Variants in SORCS3 observed in about 807,000 individuals in gnomAD.
SORCS3 encodes sortilin related VPS10 domain containing receptor 3.
A neutral mutation model predicts 146.3 loss-of-function variants in SORCS3; 57 were observed. The ratio of observed to expected loss-of-function variants is 0.39; its 90% CI spans 0.31 to 0.49. The LOEUF (loss-of-function observed/expected upper bound fraction) is 0.49. SORCS3 is among the 20% of genes least tolerant of loss of function. The pLI is 0.92. For synonymous variants in SORCS3, 653 were observed against 618.5 expected, an observed-to-expected ratio of 1.06 and a Z score of -0.83; for missense variants, 1,341 against 1,575.5, an observed-to-expected ratio of 0.85 and a Z score of 2.52.
chr10:104,858,541 G>C (rs1712383568), intron 2 of SORCS3, among the ~76,000 whole-genome samples: 1 of 151,878 alleles, frequency 6.6e-6, no homozygotes, highest in African/African-American at 2.4e-5. Flanking sequence ...ATGCATTTTA[G>C]AGTTTTTTCC....
At chr10:104,825,488 G>A (rs2017925048) in intron 1 of SORCS3, among the ~76,000 whole-genome samples, 1 of 152,174 alleles carries the variant, frequency 6.6e-6, no homozygotes, top group African/African-American at 2.4e-5. Flanking sequence ...CATCTCTGGA[G>A]GTTTCACATT....
intron 16 of SORCS3, among the ~76,000 whole-genome samples, chr10:105,210,354 A>C (rs2119638418): frequency 6.6e-6 from 1 of 152,350 alleles, no homozygotes; most frequent in Admixed American, 6.5e-5. Flanking sequence ...AATTCAGCCA[A>C]GTGAAGCTAC....
intron 1 of SORCS3, among the ~76,000 whole-genome samples, chr10:104,692,912 C>G (rs1417118526): frequency 6.6e-6 from 1 of 152,192 alleles, no homozygotes; most frequent in African/African-American, 2.4e-5. Flanking sequence ...TCTGCAGCTG[C>G]TGAGGGCTGG....
At chr10:104,820,305 A>C (rs1264951985) in intron 1 of SORCS3, among the ~76,000 whole-genome samples, 1 of 152,222 alleles carries the variant, frequency 6.6e-6, no homozygotes, top group Non-Finnish European at 1.5e-5. Context: ...CAAGGGTTAA[A>C]TGAGAAAATA....
chr10:105,179,022 T>C (rs1355039093), intron 14 of SORCS3, among the ~76,000 whole-genome samples: 1 of 152,202 alleles, frequency 6.6e-6, no homozygotes, highest in East Asian at 1.9e-4. Flanking sequence ...CTTTATAGTT[T>C]GAATTAGTCT....
At chr10:104,834,608 C>T (rs1488327895) in intron 1 of SORCS3, among the ~76,000 whole-genome samples, 1 of 132,680 alleles carries the variant, frequency 7.5e-6, no homozygotes, top group African/African-American at 2.8e-5. Flanking sequence ...TGTGTGTTTG[C>T]ACTTTTTAAT....
At chr10:104,793,713 T>C (rs117213542) in intron 1 of SORCS3, among the ~76,000 whole-genome samples, 4,308 of 152,302 alleles carry the variant, frequency 0.028, 97 homozygotes, top group Non-Finnish European at 0.041. Context: ...AAGTGTATTA[T>C]TTAGCAAGCT....
At chr10:104,681,722 C>A (rs1181289761) in intron 1 of SORCS3, among the ~76,000 whole-genome samples, 5 of 152,124 alleles carry the variant, frequency 3.3e-5, no homozygotes, top group Admixed American at 1.3e-4. Context: ...TCTACACTAG[C>A]CTCTCTGTTC....
chr10:104,791,403 CTT>C (rs887111413), intron 1 of SORCS3, among the ~76,000 whole-genome samples: 1 of 152,142 alleles, frequency 6.6e-6, no homozygotes, highest in Non-Finnish European at 1.5e-5. Flanking sequence ...TGGAAGATAA[CTT>C]AGGAAGCTGT....
intron 20 of SORCS3, among the ~76,000 whole-genome samples, chr10:105,239,047 C>T (rs1589703686): frequency 6.6e-6 from 1 of 152,138 alleles, no homozygotes; most frequent in South Asian, 2.1e-4. Context: ...GCATCCATAG[C>T]TACTAGTTTA....
At chr10:105,169,721 G>A (rs1269460851) in intron 13 of SORCS3, among the ~76,000 whole-genome samples, 1 of 152,162 alleles carries the variant, frequency 6.6e-6, no homozygotes, top group Non-Finnish European at 1.5e-5. Context: ...ATCTGCCTCT[G>A]TAGAGGAAAG....
At chr10:104,910,794 G>T (rs951393533) in intron 2 of SORCS3, among the ~76,000 whole-genome samples, 1 of 152,214 alleles carries the variant, frequency 6.6e-6, no homozygotes, top group Non-Finnish European at 1.5e-5. Context: ...GTGGGGTTGG[G>T]GTAACTGGAG....
At chr10:105,000,055 C>CTGAATGAATGAATGAATGAA in intron 4 of SORCS3, among the ~76,000 whole-genome samples, 1 of 150,730 alleles carries the variant, frequency 6.6e-6, no homozygotes, top group South Asian at 2.1e-4. Context: ...CATTCACCTG[C>CTGAATGAATGAATGAATGAA]TGAATGAATG....
In SORCS3 at chr10:105,157,141, G is replaced by T. The variant is rs1352793807; in HGVS notation, c.1486G>T (p.Ala496Ser). 5 of 1,613,774 alleles carry T rather than the reference G, an allele frequency of 3.1e-6. No homozygotes were observed. The African/African-American group carries it at 6.7e-5, about 22-fold the overall frequency. ...CATCTCTCACCTTTTTTCCTAGGTA[G>T]CAGGTATCAAAGGGATATTTCTGGC... is the stretch of plus-strand genomic sequence containing the variant. ...GNIIIELYEV[A>S]GIKGIFLANK... Residue 496 changes from alanine to serine, a missense_variant, in exon 10 of 27, where the codon GCA becomes TCA. Coordinates refer to ENST00000369701, the MANE Select transcript of SORCS3 (RefSeq NM_014978.3).
intron 1 of SORCS3, among the ~76,000 whole-genome samples, chr10:104,745,713 C>A (rs1290950804): frequency 6.6e-6 from 1 of 152,156 alleles, no homozygotes; most frequent in East Asian, 1.9e-4. Flanking sequence ...AACGTTGTAT[C>A]CTTTGACTGA....
rs1322736522 is a variant in SORCS3, at chr10:105,265,141, C to G, written c.*1767C>G. 1 of 152,430 alleles carries G rather than the reference C, an allele frequency of 6.6e-6. No homozygotes were observed. Among genetic ancestry groups the G allele is most frequent in the Non-Finnish European group, 1.5e-5 (1 of 68,012 alleles). 9.4% of individuals were successfully genotyped at this position (152,430 alleles called of 1,614,324 possible). A position where few individuals can be genotyped will look rare whatever the true frequency, so the allele number is the denominator to read the frequency against. On this transcript the variant is annotated 3_prime_UTR_variant, in exon 27 of 27. Coordinates refer to ENST00000369701, the MANE Select transcript of SORCS3 (RefSeq NM_014978.3). ...TATATATACAGTATATGTACATATA[C>G]TGTTCTTGGTTTTATTGTTCCACTT... is the stretch of plus-strand genomic sequence containing the variant.
intron 7 of SORCS3, among the ~76,000 whole-genome samples, chr10:105,129,964 A>G (rs2056006406): frequency 6.6e-6 from 1 of 152,126 alleles, no homozygotes; most frequent in Non-Finnish European, 1.5e-5. Flanking sequence ...TCCAGGTTGC[A>G]TACATAAACT....
intron 5 of SORCS3, among the ~76,000 whole-genome samples, chr10:105,079,773 T>C (rs2055611277): frequency 6.6e-6 from 1 of 152,156 alleles, no homozygotes; most frequent in Non-Finnish European, 1.5e-5. Context: ...CCTCTTTGTG[T>C]CATTTAGCTC....
intron 5 of SORCS3, among the ~76,000 whole-genome samples, chr10:105,061,669 A>G (rs369282051): frequency 0.064 from 8,795 of 137,984 alleles, 291 homozygotes; most frequent in Middle Eastern, 0.1. Flanking sequence ...AAAAAAAAAA[A>G]GTTGTGTTCA....
Sources: gnomAD v4.1 joint callset for allele counts (sites outside exome capture counted in the v4.1 genomes callset) on GRCh38, gnomAD v4.1.1 for gene constraint, MANE v1.5 for transcripts, NCBI Gene and HGNC (gene_info 2026-07-23, HGNC 2026-07-21) for gene names.